Variants in FAM13A observed in about 807,000 individuals in gnomAD.
The protein encoded by FAM13A is protein FAM13A.
Under a neutral mutation model 129.6 loss-of-function variants are expected in FAM13A, and 76 were observed. The ratio of observed to expected loss-of-function variants is 0.59; its 90% CI spans 0.49 to 0.71. The LOEUF is 0.71. Among genes scored for constraint, FAM13A ranks in the 30% least tolerant of loss-of-function variants. The pLI, the probability that FAM13A is intolerant of heterozygous loss-of-function variation, is 0.00. For missense variants in FAM13A, 1,108 were observed against 1,249.3 expected (o/e 0.89, Z 1.70); for synonymous variants, 443 against 449.9 (o/e 0.98, Z 0.20).
chr4:88,848,146 C>G (rs1736983359), intron 7 of FAM13A, among the ~76,000 whole-genome samples: 1 of 152,162 alleles, frequency 6.6e-6, no homozygotes, highest in African/African-American at 2.4e-5. Flanking sequence ...TACTCTTTTC[C>G]AACTGTTCCT....
chr4:88,912,033 G>A (rs909596860), intron 5 of FAM13A, among the ~76,000 whole-genome samples: 4 of 152,182 alleles, frequency 2.6e-5, no homozygotes, highest in African/African-American at 7.2e-5. Context: ...ATTTAAAGAA[G>A]GTAACTATTC....
chr4:88,754,475 A>C (rs982815924), intron 14 of FAM13A, among the ~76,000 whole-genome samples: 17 of 152,232 alleles, frequency 1.1e-4, no homozygotes, highest in African/African-American at 2.7e-4. Flanking sequence ...ATTTCTCAGA[A>C]ATCTGCACAG....
At chr4:88,860,681 A>G (rs1243964798) in intron 6 of FAM13A, among the ~76,000 whole-genome samples, 4 of 152,212 alleles carry the variant, frequency 2.6e-5, no homozygotes, top group African/African-American at 7.2e-5. Context: ...AAGGGATAAA[A>G]CAAATGCCAT....
intron 4 of FAM13A, among the ~76,000 whole-genome samples, chr4:88,939,330 T>C (rs755028162): frequency 2.6e-5 from 4 of 152,006 alleles, no homozygotes; most frequent in African/African-American, 9.7e-5. Flanking sequence ...CATCTGCAAA[T>C]CTCTCTCTGC....
intron 17 of FAM13A, 40 bp from the exon 18 acceptor site, chr4:88,747,891 A>G (rs574650277): frequency 3.6e-6 from 5 of 1,373,518 alleles, no homozygotes; most frequent in South Asian, 2.5e-5. Flanking sequence ...TATGAGATTT[A>G]TTTATTTATT....
chr4:88,840,056 G>C (rs562890863), intron 7 of FAM13A, among the ~76,000 whole-genome samples: 15 of 152,282 alleles, frequency 9.9e-5, no homozygotes, highest in African/African-American at 3.6e-4. Context: ...GAGAAGTCTC[G>C]AAAAGAAGAA....
chr4:88,747,571 G>T, intron 18 of FAM13A, 60 bp downstream of exon 18: 3 of 1,379,246 alleles, frequency 2.2e-6, no homozygotes, highest in Non-Finnish European at 3.1e-6. Context: ...GGCATGCCCT[G>T]TGTCTCTACC....
chr4:89,023,560 G>A (rs1419292316), intron 2 of FAM13A, among the ~76,000 whole-genome samples: 1 of 151,588 alleles, frequency 6.6e-6, no homozygotes, highest in Non-Finnish European at 1.5e-5. Flanking sequence ...GAACTGTCTT[G>A]TGGTCCTCAA....
chr4:88,886,890 A>G (rs1744513213), intron 6 of FAM13A, among the ~76,000 whole-genome samples: 1 of 147,802 alleles, frequency 6.8e-6, no homozygotes, highest in African/African-American at 2.5e-5. Flanking sequence ...CTGGGCCACA[A>G]GAGTGAAACT....
chr4:88,849,137 T>C (rs1483565458), intron 7 of FAM13A, among the ~76,000 whole-genome samples: 1 of 152,262 alleles, frequency 6.6e-6, no homozygotes, highest in Non-Finnish European at 1.5e-5. Context: ...AATAGGCATG[T>C]AGTAAATGTG....
chr4:88,892,173 CTTTTTTTTTTTTTT>C lies in FAM13A; in HGVS notation c.843+14192_843+14205del, dbSNP rs1183640454. Among the ~76,000 whole-genome samples the C allele has an allele frequency of 5.9e-5, 4 of 67,906 alleles. No homozygotes were observed. In the South Asian group the frequency reaches 2.2e-3, roughly 37 times the overall value. The allele number at this position is 67,906 out of a possible 152,430, so 44.5% of individuals were successfully genotyped here. On this transcript the variant is annotated intron_variant, in intron 6 of 23. Coordinates refer to ENST00000264344, the MANE Select transcript of FAM13A (RefSeq NM_014883.4). ...TGGGCCAGACAGAGCAAGATCCTGT[CTTTTTTTTTTTTTT>C]TTTTTTTTTTGAGACGGAGTCTGGC...
intron 8 of FAM13A, among the ~76,000 whole-genome samples, chr4:88,793,845 C>G (rs973043016): frequency 2.6e-5 from 4 of 151,944 alleles, no homozygotes; most frequent in Non-Finnish European, 4.4e-5. Flanking sequence ...TCCAAAATAA[C>G]TTTGGTATTT....
chr4:88,820,435 G>A (rs993319627), intron 7 of FAM13A, among the ~76,000 whole-genome samples: 1 of 152,204 alleles, frequency 6.6e-6, no homozygotes, highest in Non-Finnish European at 1.5e-5. Context: ...GTACAGAGTA[G>A]TGTTCAGTCA....
intron 5 of FAM13A, among the ~76,000 whole-genome samples, chr4:88,920,713 C>A: frequency 6.6e-6 from 1 of 152,110 alleles, no homozygotes; most frequent in South Asian, 2.1e-4. Flanking sequence ...ACAACTTTGA[C>A]GAGTTGAGAG....
chr4:88,955,500 C>T (rs533225210), intron 4 of FAM13A, among the ~76,000 whole-genome samples: 180 of 152,048 alleles, frequency 1.2e-3, no homozygotes, highest in Non-Finnish European at 1.9e-3. Context: ...GGTAGTGGAG[C>T]GCTGCTGTAA....
At chr4:88,818,337 A>G (rs1731193218) in intron 7 of FAM13A, among the ~76,000 whole-genome samples, 1 of 151,966 alleles carries the variant, frequency 6.6e-6, no homozygotes, top group African/African-American at 2.4e-5. Context: ...TCTCCCTCAT[A>G]AAATAAGTAC....
intron 7 of FAM13A, among the ~76,000 whole-genome samples, chr4:88,826,946 C>A (rs1282426249): frequency 6.6e-6 from 1 of 152,150 alleles, no homozygotes; most frequent in Admixed American, 6.5e-5. Flanking sequence ...TTAGAAAGTG[C>A]TTCTCAGCAG....
chr4:88,931,610 CAT>C (rs1378522822), intron 5 of FAM13A, among the ~76,000 whole-genome samples: 1 of 152,310 alleles, frequency 6.6e-6, no homozygotes, highest in South Asian at 2.1e-4. Context: ...GTGAAGGAGA[CAT>C]ATACTACTGG....
At chr4:88,911,683 T>A (rs1749111336) in intron 5 of FAM13A, among the ~76,000 whole-genome samples, 1 of 152,166 alleles carries the variant, frequency 6.6e-6, no homozygotes, top group Non-Finnish European at 1.5e-5. Context: ...TCTCCTTTCA[T>A]CTCCCCAAAG....
Sources: allele counts gnomAD v4.1 joint callset (sites outside exome capture counted in the v4.1 genomes callset), GRCh38; gene constraint gnomAD v4.1.1; transcripts MANE v1.5; gene names NCBI Gene and HGNC (gene_info 2026-07-23, HGNC 2026-07-21).